Variants in HDAC9 observed in about 807,000 individuals in gnomAD.
HDAC9 encodes MEF-2 interacting transcription repressor (MITR) protein.
Under a neutral mutation model 139.4 loss-of-function variants are expected in HDAC9, and 41 were observed. The observed-to-expected ratio is 0.29, with a 90% CI of 0.23 to 0.38. HDAC9 has a LOEUF of 0.38. HDAC9 is among the 10% of genes least tolerant of loss of function. HDAC9 has a pLI of 1.00. For synonymous variants in HDAC9, 517 were observed against 476.2 expected, an observed-to-expected ratio of 1.09 and a Z score of -1.12; for missense variants, 1,147 against 1,297.0, an observed-to-expected ratio of 0.88 and a Z score of 1.78.
At chr7:18,883,553 C>A (rs1393556981) in intron 22 of HDAC9, among the ~76,000 whole-genome samples, 7 of 151,894 alleles carry the variant, frequency 4.6e-5, no homozygotes, top group Admixed American at 4.6e-4. Flanking sequence ...AAAATAAAAG[C>A]CATATATGAT....
rs559682381 is a variant in HDAC9, at chr7:18,889,415, T to G, written c.2803+14819T>G. Among the ~76,000 whole-genome samples the G allele has an allele frequency of 2.0e-5, 3 of 151,760 alleles. No individual in the cohort carries two copies. In the South Asian group the frequency reaches 6.3e-4, roughly 32 times the overall value. On this transcript the variant is annotated intron_variant, in intron 22 of 25. Coordinates refer to ENST00000686413, the MANE Select transcript of HDAC9 (RefSeq NM_178425.4). ...CTATTGTCTAGGCTCCAGAAATATT[T>G]ATTGACTTTCATGTATGGAGTGATT...
chr7:18,134,261 C>A (rs947792220), intron 1 of HDAC9, among the ~76,000 whole-genome samples: 5 of 152,024 alleles, frequency 3.3e-5, no homozygotes, highest in African/African-American at 4.8e-5. Context: ...AAGTATATAC[C>A]TGCTTTATTC....
intron 13 of HDAC9, among the ~76,000 whole-genome samples, chr7:18,733,322 CAT>C (rs1311243325): frequency 2.7e-5 from 4 of 148,756 alleles, no homozygotes; most frequent in Admixed American, 1.3e-4. Flanking sequence ...TATATATACA[CAT>C]GTATATATGT....
intron 2 of HDAC9, among the ~76,000 whole-genome samples, chr7:18,542,071 C>T (rs1287387261): frequency 6.6e-6 from 1 of 152,100 alleles, no homozygotes; most frequent in Non-Finnish European, 1.5e-5. Flanking sequence ...GCCAGTAGCA[C>T]AACACTCCAC....
At chr7:18,162,499 C>T (rs1019635547) in intron 2 of HDAC9, 58 of 669,346 alleles carry the variant, frequency 8.7e-5, no homozygotes, top group Middle Eastern at 7.7e-4. Context: ...ATTTTGCATT[C>T]GATAGCTAAT....
At chr7:18,677,536 A>G (rs772854576) in intron 12 of HDAC9, among the ~76,000 whole-genome samples, 13 of 151,912 alleles carry the variant, frequency 8.6e-5, no homozygotes, top group Non-Finnish European at 1.6e-4. Context: ...GTATAGGTTT[A>G]ACTTTATAGG....
intron 1 of HDAC9, among the ~76,000 whole-genome samples, chr7:18,357,360 A>G (rs529869881): frequency 6.6e-6 from 1 of 152,242 alleles, no homozygotes; most frequent in South Asian, 2.1e-4. Flanking sequence ...AGTTAAATTG[A>G]CTTTTTCTTT....
At chr7:18,686,070 A>T (rs939694937) in intron 12 of HDAC9, among the ~76,000 whole-genome samples, 2 of 151,986 alleles carry the variant, frequency 1.3e-5, no homozygotes, top group Admixed American at 1.3e-4. Context: ...CTGAACTATG[A>T]TAGAGCTCAG....
intron 2 of HDAC9, among the ~76,000 whole-genome samples, chr7:18,263,660 G>C (rs928931168): frequency 6.6e-6 from 1 of 151,226 alleles, no homozygotes; most frequent in African/African-American, 2.4e-5. Flanking sequence ...CTAGGCTGGA[G>C]TGCAGTGGTG....
At chr7:18,733,269 CAG>C (rs1381943520) in intron 13 of HDAC9, among the ~76,000 whole-genome samples, 1 of 138,920 alleles carries the variant, frequency 7.2e-6, no homozygotes, top group African/African-American at 2.7e-5. Flanking sequence ...TATATATACA[CAG>C]GTATATATGT....
intron 12 of HDAC9, among the ~76,000 whole-genome samples, chr7:18,686,384 C>A (rs879299431): frequency 6.6e-6 from 1 of 151,922 alleles, no homozygotes; most frequent in Non-Finnish European, 1.5e-5. Context: ...GATGGCTTCA[C>A]AGTTGTGGCC....
chr7:18,896,006 G>GA (rs1464621819), intron 22 of HDAC9, among the ~76,000 whole-genome samples: 4 of 151,982 alleles, frequency 2.6e-5, no homozygotes, highest in African/African-American at 2.4e-5. Context: ...GGATAATCAA[G>GA]AAAATCTCAA....
At chr7:18,955,083 C>A (rs1783057819) in intron 24 of HDAC9, among the ~76,000 whole-genome samples, 2 of 151,936 alleles carry the variant, frequency 1.3e-5, no homozygotes, top group African/African-American at 4.8e-5. Flanking sequence ...CTATATGTAC[C>A]CAATAAACAT....
intron 8 of HDAC9, among the ~76,000 whole-genome samples, chr7:18,637,708 T>C (rs1054894674): frequency 3.3e-5 from 5 of 152,016 alleles, no homozygotes; most frequent in African/African-American, 1.2e-4. Context: ...TGGGCAGACC[T>C]TTATGCACTG....
intron 23 of HDAC9, among the ~76,000 whole-genome samples, chr7:18,945,979 T>C (rs550531464): frequency 3.8e-5 from 5 of 130,726 alleles, no homozygotes; most frequent in East Asian, 2.3e-4. Flanking sequence ...AGAGGTTGCA[T>C]TGAGCCGAGA....
chr7:18,667,730 TTC>T lies in HDAC9; in HGVS notation c.1731+1256_1731+1257del, dbSNP rs569638551. On this transcript the variant is annotated intron_variant, in intron 12 of 25. Coordinates refer to ENST00000686413, the MANE Select transcript of HDAC9 (RefSeq NM_178425.4). ...AAATCTGAGGATAGTGCTTTACTCTTTCTGTTTTTAAAGGGCACTCTATGAAT... is the reference window on the plus strand; with the variant it reads ...AAATCTGAGGATAGTGCTTTACTCTTTGTTTTTAAAGGGCACTCTATGAAT... The T allele has an allele frequency of 6.7e-4, 660 of 984,976 alleles. 4 individuals carry two copies. In the African/African-American group the frequency reaches 0.011, roughly 16 times the overall value. 61.0% of individuals were successfully genotyped at this position (984,976 alleles called of 1,614,324 possible).
chr7:18,825,060 C>T (rs867449241), intron 17 of HDAC9, among the ~76,000 whole-genome samples: 24 of 152,182 alleles, frequency 1.6e-4, no homozygotes, highest in Admixed American at 4.6e-4. Flanking sequence ...AGAAGGCTGG[C>T]AGAAGGCCAG....
intron 1 of HDAC9, among the ~76,000 whole-genome samples, chr7:18,087,384 C>T (rs1419172724): frequency 6.6e-6 from 1 of 152,148 alleles, no homozygotes; most frequent in Non-Finnish European, 1.5e-5. Flanking sequence ...AGCCCGGAGA[C>T]CGGTGGGTTT....
chr7:18,681,430 CAA>C (rs1446626577), intron 12 of HDAC9, among the ~76,000 whole-genome samples: 1 of 151,718 alleles, frequency 6.6e-6, no homozygotes, highest in Admixed American at 6.6e-5. Context: ...TTATCTTTAA[CAA>C]TATTTGTTAT....
Sources: gnomAD v4.1 joint callset for allele counts (sites outside exome capture counted in the v4.1 genomes callset) on GRCh38, gnomAD v4.1.1 for gene constraint, MANE v1.5 for transcripts, NCBI Gene and HGNC (gene_info 2026-07-23, HGNC 2026-07-21) for gene names.